The following HTR2C variants were observed in gnomAD, a reference collection of about 807,000 sequenced individuals.
HTR2C encodes 5-hydroxytryptamine (serotonin) receptor 2C, G protein-coupled.
Under a neutral mutation model 21.0 loss-of-function variants are expected in HTR2C, and 5 were observed. The observed-to-expected ratio is 0.24, with a 90% CI of 0.12 to 0.50. HTR2C has a LOEUF of 0.50. Among genes scored for constraint, HTR2C ranks in the 20% least tolerant of loss-of-function variants. The pLI is 0.98. For missense variants in HTR2C, 271 were observed against 371.2 expected, an observed-to-expected ratio of 0.73 and a Z score of 2.22; for synonymous variants, 150 against 145.3, an observed-to-expected ratio of 1.03 and a Z score of -0.23.
Position 114,766,895 on chromosome X carries a change from A to G in HTR2C, c.349+35288A>G, listed in dbSNP as rs781799515. On this transcript the variant is annotated intron_variant, in intron 4 of 5. Transcript: ENST00000276198. ...AATGCTCATATAACATTAAGTCCCCAAAGTAAACTTAATGAATTAAGTTTT... is the reference window on the plus strand; with the variant it reads ...AATGCTCATATAACATTAAGTCCCCGAAGTAAACTTAATGAATTAAGTTTT... 1.9e-4 allele frequency among the ~76,000 whole-genome samples: 20 copies of G among 107,868 alleles called. 1 individual carries two copies. The highest frequency in any genetic ancestry group is 1.9e-5 in the Non-Finnish European group (1 of 52,887). The allele number at this position is 107,868 out of a possible 115,157, so 93.7% of individuals were successfully genotyped here. A position where few individuals can be genotyped will look rare whatever the true frequency, so the allele number is the denominator to read the frequency against.
At chrX:114,858,990 T>C (rs1380682822) in intron 5 of HTR2C, among the ~76,000 whole-genome samples, 4 of 111,309 alleles carry the variant, frequency 3.6e-5, no homozygotes, top group Non-Finnish European at 7.5e-5. Context: ...TTTTGAATTA[T>C]ATCTTGCATT....
At chrX:114,895,265 G>A (rs781810799) in intron 5 of HTR2C, among the ~76,000 whole-genome samples, 1 of 112,205 alleles carries the variant, frequency 8.9e-6, no homozygotes, top group East Asian at 2.8e-4. Flanking sequence ...AATGACATAT[G>A]TTGGGGGTGT....
rs782709263 is a variant in HTR2C, at chrX:114,820,270, G to A, written c.350-27733G>A. On this transcript the variant is annotated intron_variant, in intron 4 of 5. Transcript: ENST00000276198. ...ATAAATATTATGGGGTACATGAAAT[G>A]TTTTGATACAGGAATGGAATGTATA... Among the ~76,000 whole-genome samples the A allele has an allele frequency of 1.2e-4, 13 of 109,649 alleles. No individual in the cohort carries two copies. In the South Asian group the frequency reaches 4.6e-3, roughly 39 times the overall value.
intron 4 of HTR2C, among the ~76,000 whole-genome samples, chrX:114,754,952 G>A (rs977681165): frequency 8.9e-6 from 1 of 111,924 alleles, no homozygotes; most frequent in Non-Finnish European, 1.9e-5. Flanking sequence ...TTAAAACCAC[G>A]GAAGTGGCCG....
rs186873604 is a variant in HTR2C, at chrX:114,597,039, G to A, written c.-147+12380G>A. ...TCGAGACCAGCCTGGCCTACATGGC[G>A]AAACCCCATCTTTACTAAAAATACA... On this transcript the variant is annotated intron_variant, in intron 1 of 5. Coordinates refer to ENST00000276198, the MANE Select transcript of HTR2C (RefSeq NM_000868.4). Among the ~76,000 whole-genome samples, 941 of 109,553 alleles carry A rather than the reference G, an allele frequency of 8.6e-3. 8 individuals carry two copies. Among genetic ancestry groups the A allele is most frequent in the Non-Finnish European group, 0.015 (789 of 52,718 alleles).
At chrX:114,764,353 G>A (rs370419601) in intron 4 of HTR2C, among the ~76,000 whole-genome samples, 73 of 101,451 alleles carry the variant, frequency 7.2e-4, no homozygotes, top group African/African-American at 2.5e-3. Flanking sequence ...AGCCGAGATC[G>A]CACCATTGCA....
intron 4 of HTR2C, among the ~76,000 whole-genome samples, chrX:114,819,714 G>C (rs1450048685): frequency 8.9e-6 from 1 of 112,597 alleles, no homozygotes; most frequent in Non-Finnish European, 1.9e-5. Context: ...TCAGTCTCTT[G>C]TCCAGTCAGA....
chrX:114,749,430 G>A (rs2069737330), intron 4 of HTR2C, among the ~76,000 whole-genome samples: 2 of 91,638 alleles, frequency 2.2e-5, no homozygotes, highest in Admixed American at 1.3e-4. Context: ...CTCCAGCCTG[G>A]TTGACAGAGC....
intron 5 of HTR2C, among the ~76,000 whole-genome samples, chrX:114,852,489 C>CTACA (rs2070926614): frequency 1.8e-5 from 2 of 110,315 alleles, no homozygotes; most frequent in African/African-American, 6.6e-5. Flanking sequence ...AGTTAAAATG[C>CTACA]TACATACAAA....
intron 2 of HTR2C, among the ~76,000 whole-genome samples, chrX:114,634,027 G>C (rs1167054713): frequency 9.2e-6 from 1 of 108,720 alleles, no homozygotes; most frequent in Non-Finnish European, 1.9e-5. Context: ...TATTAGTTGT[G>C]TATGAATCTA....
chrX:114,880,415 A>G (rs1321034231), intron 5 of HTR2C, among the ~76,000 whole-genome samples: 2 of 110,523 alleles, frequency 1.8e-5, no homozygotes, highest in Admixed American at 9.7e-5. Flanking sequence ...TTCATTGTTT[A>G]GTGAGATACA....
intron 2 of HTR2C, among the ~76,000 whole-genome samples, chrX:114,707,180 A>G (rs1334936368): frequency 8.9e-6 from 1 of 111,795 alleles, no homozygotes; most frequent in Non-Finnish European, 1.9e-5. Flanking sequence ...ATTTAAGTGC[A>G]TACTATTTGT....
intron 2 of HTR2C, among the ~76,000 whole-genome samples, chrX:114,631,395 A>C (rs1556404283): frequency 1.8e-5 from 2 of 111,758 alleles, no homozygotes; most frequent in Admixed American, 9.5e-5. Context: ...TATCATAATC[A>C]TTACTAGCTG....
chrX:114,807,278 A>G lies in HTR2C; in HGVS notation c.350-40725A>G, dbSNP rs111220932. Among the ~76,000 whole-genome samples, 21 of 13,835 alleles carry G rather than the reference A, an allele frequency of 1.5e-3. 1 individual carries two copies. Among genetic ancestry groups the G allele is most frequent in the African/African-American group, 2.7e-3 (21 of 7,911 alleles). The allele number at this position is 13,835 out of a possible 115,157, so 12.0% of individuals were successfully genotyped here. A position where few individuals can be genotyped will look rare whatever the true frequency, so the allele number is the denominator to read the frequency against. ...TATACACCATATATATACCATGTAT[A>G]TATACACCATATATATACCATGTAT... On this transcript the variant is annotated intron_variant, in intron 4 of 5. Coordinates refer to ENST00000276198, the MANE Select transcript of HTR2C (RefSeq NM_000868.4).
chrX:114,734,788 A>AAT (rs782430073), intron 4 of HTR2C, among the ~76,000 whole-genome samples: 3 of 109,696 alleles, frequency 2.7e-5, no homozygotes, highest in Admixed American at 9.8e-5. Flanking sequence ...TGGTTATACA[A>AAT]ATATATATAT....
At chrX:114,835,487 G>T (rs1293386380) in intron 4 of HTR2C, among the ~76,000 whole-genome samples, 6 of 107,760 alleles carry the variant, frequency 5.6e-5, no homozygotes, top group Non-Finnish European at 1.2e-4. Flanking sequence ...CTTTCTTCCA[G>T]TTGATCGCAT....
chrX:114,874,003 G>T (rs1556477296), intron 5 of HTR2C, among the ~76,000 whole-genome samples: 1 of 108,181 alleles, frequency 9.2e-6, no homozygotes, highest in Non-Finnish European at 1.9e-5. Context: ...CACTTTCTTA[G>T]ATTCCGCAAA....
chrX:114,665,483 A>G (rs782779619), intron 2 of HTR2C, among the ~76,000 whole-genome samples: 9 of 112,102 alleles, frequency 8.0e-5, no homozygotes, highest in Non-Finnish European at 1.5e-4. Flanking sequence ...AAATCTGCAT[A>G]TAACTTTTGA....
chrX:114,788,356 G>C (rs1261241586), intron 4 of HTR2C, among the ~76,000 whole-genome samples: 1 of 110,746 alleles, frequency 9.0e-6, no homozygotes, highest in African/African-American at 3.3e-5. Context: ...TGCTTCCCGG[G>C]TTCAAGCAAT....
Sources: allele counts gnomAD v4.1 joint callset (sites outside exome capture counted in the v4.1 genomes callset), GRCh38; gene constraint gnomAD v4.1.1; transcripts MANE v1.5; gene names NCBI Gene and HGNC (gene_info 2026-07-23, HGNC 2026-07-21).